The following ODAD2 variants were observed in gnomAD, a reference collection of about 807,000 sequenced individuals.
The protein encoded by ODAD2 is outer dynein arm docking complex subunit 2, also known as outer dynein arm-docking complex subunit 2.
In ODAD2, 89 loss-of-function variants were observed where a neutral mutation model predicts 106.8. The ratio of observed to expected loss-of-function variants is 0.83; its 90% confidence interval spans 0.70 to 0.99. The LOEUF is 0.99. Among genes scored for constraint, ODAD2 ranks in the 50% least tolerant of loss-of-function variants. The pLI, the probability that ODAD2 is intolerant of heterozygous loss-of-function variation, is 0.00. For missense variants in ODAD2, 1,168 were observed against 1,238.5 expected (o/e 0.94, Z 0.85); for synonymous variants, 404 against 436.2 (o/e 0.93, Z 0.92).
chr10:27,953,385 T>C (rs1238280145), intron 10 of ODAD2, among the ~76,000 whole-genome samples: 1 of 152,156 alleles, frequency 6.6e-6, no homozygotes, highest in Non-Finnish European at 1.5e-5. Flanking sequence ...AACTCCCTAT[T>C]ACTGCTATCA....
chr10:27,998,603 G>T (rs1231607531), intron 1 of ODAD2, among the ~76,000 whole-genome samples: 1 of 151,880 alleles, frequency 6.6e-6, no homozygotes, highest in Non-Finnish European at 1.5e-5. Flanking sequence ...TAGGGCCGAG[G>T]CAGGGTCTCG....
intron 19 of ODAD2, among the ~76,000 whole-genome samples, chr10:27,851,044 G>A (rs906426027): frequency 6.6e-6 from 1 of 152,072 alleles, no homozygotes; most frequent in Non-Finnish European, 1.5e-5. Context: ...TTGAATATTC[G>A]GCTCAGTACT....
chr10:27,971,264 T>C lies in ODAD2; in HGVS notation c.986A>G (p.Lys329Arg). Residue 329 changes from lysine to arginine, a missense_variant, in exon 8 of 20, where the codon AAA becomes AGA. This residue lies in a region of ODAD2 where 430 missense variants were observed against 452.2 expected (regional missense o/e 0.95). Coordinates refer to ENST00000305242, the MANE Select transcript of ODAD2 (RefSeq NM_018076.5). ...AGCTGCTTCTTCCTTCTTGGGGGCT[T>C]TGCCAAGCTGATCCTTTTCCTTTTG... ...DQQKEKDQLG[K>R]APKKEEAAAL... 1 of 1,613,568 alleles carries C rather than the reference T, an allele frequency of 6.2e-7. No homozygotes were observed. Among genetic ancestry groups the C allele is most frequent in the South Asian group, 1.1e-5 (1 of 90,990 alleles).
At chr10:27,931,287 T>C (rs954896624) in intron 16 of ODAD2, among the ~76,000 whole-genome samples, 2 of 152,144 alleles carry the variant, frequency 1.3e-5, no homozygotes, top group Non-Finnish European at 2.9e-5. Context: ...CATTTTAAAA[T>C]TTGGAGTTGT....
At chr10:27,966,251 G>A (rs576836808) in intron 9 of ODAD2, among the ~76,000 whole-genome samples, 3 of 152,314 alleles carry the variant, frequency 2.0e-5, no homozygotes, top group South Asian at 2.1e-4. Flanking sequence ...AGCCACCTGA[G>A]TGAAGTTTCC....
At chr10:27,830,466 C>T (rs1227118034) in intron 19 of ODAD2, among the ~76,000 whole-genome samples, 1 of 152,144 alleles carries the variant, frequency 6.6e-6, no homozygotes, top group African/African-American at 2.4e-5. Flanking sequence ...GATAGCCTTG[C>T]TTAATCTTCC....
At chr10:27,992,843 A>G (rs1850309623) in intron 2 of ODAD2, among the ~76,000 whole-genome samples, 1 of 152,206 alleles carries the variant, frequency 6.6e-6, no homozygotes, top group African/African-American at 2.4e-5. Flanking sequence ...TTGTGCTTGG[A>G]GCACAAAATT....
chr10:27,882,209 G>A (rs192962189), intron 17 of ODAD2, among the ~76,000 whole-genome samples: 3 of 150,858 alleles, frequency 2.0e-5, no homozygotes, highest in Non-Finnish European at 4.4e-5. Flanking sequence ...AAGAAAGAAA[G>A]AAAGAAAGAA....
In ODAD2 at chr10:27,936,890, A is replaced by C; in HGVS notation, c.2098-10T>G. On this transcript the variant is annotated splice_polypyrimidine_tract_variant and intron_variant, in intron 14 of 19. Transcript: ENST00000305242. ...CCTTATCTTCAGCACACTGCACGAA[A>C]AGTCAGACAGAGGCTGTCAGTCATC... is the stretch of plus-strand genomic sequence containing the variant. 6.3e-7 allele frequency: 1 copy of C among 1,591,438 alleles called. No homozygotes were observed. Among genetic ancestry groups the C allele is most frequent in the Non-Finnish European group, 8.5e-7 (1 of 1,171,014 alleles).
intron 10 of ODAD2, among the ~76,000 whole-genome samples, chr10:27,960,508 A>C (rs1242927786): frequency 6.6e-6 from 1 of 151,494 alleles, no homozygotes; most frequent in African/African-American, 2.4e-5. Flanking sequence ...CACCACGCCC[A>C]GCTAATTTTT....
rs1484035456 is a variant in ODAD2 at position 27,885,801 on chromosome 10, TA to T, written c.2610+21861del. ...AAATATATATTATATATAATATATA[TA>T]AAATATATATTATATATAATATATA... is the stretch of plus-strand genomic sequence containing the variant. On this transcript the variant is annotated intron_variant, in intron 17 of 19. Coordinates refer to ENST00000305242, the MANE Select transcript of ODAD2 (RefSeq NM_018076.5). Among the ~76,000 whole-genome samples the T allele has an allele frequency of 2.2e-5, 2 of 90,524 alleles. 1 individual carries two copies. The highest frequency in any genetic ancestry group is 4.0e-5 in the Non-Finnish European group (2 of 49,824). 59.4% of individuals were successfully genotyped at this position (90,524 alleles called of 152,430 possible). A position where few individuals can be genotyped will look rare whatever the true frequency, so the allele number is the denominator to read the frequency against.
At chr10:27,950,211 G>C (rs942105946) in intron 10 of ODAD2, among the ~76,000 whole-genome samples, 4 of 152,134 alleles carry the variant, frequency 2.6e-5, no homozygotes, top group Admixed American at 6.6e-5. Context: ...GCCAGTAACT[G>C]TTCATTAATG....
At chr10:27,942,730 AGAATT>A (rs1440745399) in intron 12 of ODAD2, among the ~76,000 whole-genome samples, 1 of 152,192 alleles carries the variant, frequency 6.6e-6, no homozygotes, top group African/African-American at 2.4e-5. Flanking sequence ...AAAAGCTTTA[AGAATT>A]GTACAATGAT....
chr10:27,895,611 A>G (rs1842809568), intron 17 of ODAD2, among the ~76,000 whole-genome samples: 1 of 152,188 alleles, frequency 6.6e-6, no homozygotes, highest in Non-Finnish European at 1.5e-5. Context: ...AAAACTGCAT[A>G]TAACTCAAAA....
chr10:27,971,463 G>C (rs1380393860), intron 7 of ODAD2, 150 bp from the exon 8 acceptor site: 2 of 654,886 alleles, frequency 3.1e-6, no homozygotes, highest in Admixed American at 3.1e-5. Context: ...ACAACATCAA[G>C]ACTAAGGCTT....
intron 17 of ODAD2, among the ~76,000 whole-genome samples, chr10:27,887,423 TAG>T (rs1338555208): frequency 6.6e-6 from 1 of 151,888 alleles, no homozygotes; most frequent in Non-Finnish European, 1.5e-5. Flanking sequence ...ATTGAACAAC[TAG>T]AGAGAACATA....
At chr10:27,938,606 T>C (rs1405000060) in intron 14 of ODAD2, among the ~76,000 whole-genome samples, 1 of 151,204 alleles carries the variant, frequency 6.6e-6, no homozygotes, top group Non-Finnish European at 1.5e-5. Context: ...TCTTTTTTCT[T>C]TTTTTTTTCT....
chr10:27,940,870 A>G, intron 12 of ODAD2, 65 bp from the exon 13 acceptor site: 2 of 1,517,376 alleles, frequency 1.3e-6, no homozygotes, highest in South Asian at 1.2e-5. Context: ...GCATTCTTCA[A>G]TAGCTACAGT....
At chr10:27,935,702 T>A (rs1437221445) in intron 15 of ODAD2, among the ~76,000 whole-genome samples, 5 of 146,410 alleles carry the variant, frequency 3.4e-5, no homozygotes, top group Non-Finnish European at 6.0e-5. Flanking sequence ...GCTACTTGGA[T>A]AAAAAAAAAA....
Sources: allele counts gnomAD v4.1 joint callset (sites outside exome capture counted in the v4.1 genomes callset), GRCh38; gene constraint gnomAD v4.1.1; regional missense constraint gnomAD v4.1.1; transcripts MANE v1.5; gene names NCBI Gene and HGNC (gene_info 2026-07-23, HGNC 2026-07-21).